Variants in ANKRD36C observed in about 807,000 individuals in gnomAD.
The protein encoded by ANKRD36C is ankyrin repeat domain 36C, also known as ankyrin repeat domain-containing protein 36C.
Under a neutral mutation model 276.4 loss-of-function variants are expected in ANKRD36C, and 61 were observed. The ratio of observed to expected loss-of-function variants is 0.22; its 90% confidence interval spans 0.18 to 0.27. ANKRD36C has a LOEUF of 0.27. ANKRD36C is among the 10% of genes least tolerant of loss of function. The pLI is 1.00. For synonymous variants in ANKRD36C, 483 were observed against 680.1 expected, an observed-to-expected ratio of 0.71 and a Z score of 4.51; for missense variants, 1,447 against 2,032.3, an observed-to-expected ratio of 0.71 and a Z score of 5.54.
intron 14 of ANKRD36C, 150 bp downstream of exon 14, chr2:95,953,789 C>T (rs1678259110): frequency 9.9e-6 from 6 of 603,288 alleles, no homozygotes; most frequent in African/African-American, 3.9e-5. Flanking sequence ...AAATTAACCC[C>T]TCTCATTTCT....
At chr2:95,860,119 A>C in intron 60 of ANKRD36C, 45 bp from the exon 81 acceptor site, 1 of 1,235,544 alleles carries the variant, frequency 8.1e-7, no homozygotes, top group Middle Eastern at 2.6e-4. Context: ...ACATGAGTAG[A>C]TTTTTGGATA....
chr2:95,914,341 A>G, intron 38 of ANKRD36C, 38 bp from the exon 41 acceptor site: 2 of 1,542,390 alleles, frequency 1.3e-6, no homozygotes, highest in South Asian at 1.2e-5. Flanking sequence ...CTCATATGTA[A>G]AAATGACAAA....
intron 48 of ANKRD36C, among the ~76,000 whole-genome samples, chr2:95,889,319 C>T (rs1676276441): frequency 6.6e-6 from 1 of 151,562 alleles, no homozygotes; most frequent in African/African-American, 2.4e-5. Flanking sequence ...CTTCTTCTCC[C>T]TCCTTCCTGA....
chr2:95,946,764 T>C (rs1678062893), intron 17 of ANKRD36C, among the ~76,000 whole-genome samples: 1 of 152,084 alleles, frequency 6.6e-6, no homozygotes, highest in Non-Finnish European at 1.5e-5. Context: ...TGTAGGGACA[T>C]GGGTGAAATT....
intron 58 of ANKRD36C, among the ~76,000 whole-genome samples, chr2:95,879,518 T>C (rs997292901): frequency 4.6e-5 from 7 of 151,736 alleles, no homozygotes; most frequent in African/African-American, 1.7e-4. Context: ...ATGGTGTCAT[T>C]ATTACACATT....
intron 44 of ANKRD36C, among the ~76,000 whole-genome samples, chr2:95,894,885 C>T (rs1353214085): frequency 3.3e-5 from 5 of 150,998 alleles, no homozygotes; most frequent in Non-Finnish European, 7.4e-5. Flanking sequence ...GTTTCCTCAG[C>T]AGTAACCCCA....
chr2:95,856,333 C>G (rs921024916), intron 62 of ANKRD36C, among the ~76,000 whole-genome samples, 153 bp from the exon 83 acceptor site: 4 of 152,108 alleles, frequency 2.6e-5, no homozygotes, highest in Admixed American at 6.6e-5. Context: ...GTCAAAACCT[C>G]AAACCTCATA....
At chr2:95,888,676 T>G (rs1384151269) in intron 48 of ANKRD36C, among the ~76,000 whole-genome samples, 3 of 151,844 alleles carry the variant, frequency 2.0e-5, no homozygotes, top group East Asian at 1.9e-4. Flanking sequence ...ACCTAGTAGA[T>G]AATATTCATT....
rs1168612839 is a variant in ANKRD36C at position 95,856,198 on chromosome 2, A to C, written c.4081-18T>G. 5.7e-6 allele frequency: 9 copies of C among 1,568,248 alleles called. No individual in the cohort carries two copies. Among genetic ancestry groups the C allele is most frequent in the Non-Finnish European group, 1.7e-6 (2 of 1,161,224 alleles). On this transcript the variant is annotated intron_variant, in intron 62 of 66. Transcript: ENST00000456556. ...TCAGAAACCTAAGTAAAACAAAGCAAACTTGTAACTAGTATCCAATAGGAT... is the reference window on the plus strand; with the variant it reads ...TCAGAAACCTAAGTAAAACAAAGCACACTTGTAACTAGTATCCAATAGGAT...
At chr2:95,914,025 G>C (rs1476148406) in intron 40 of ANKRD36C, 83 bp downstream of exon 42, 2 of 1,357,034 alleles carry the variant, frequency 1.5e-6, no homozygotes, top group Non-Finnish European at 1.0e-6. Context: ...CAGCTTCAAC[G>C]AGCCCCCCGC....
intron 62 of ANKRD36C, among the ~76,000 whole-genome samples, chr2:95,856,551 C>G (rs2104250637): frequency 6.6e-6 from 1 of 152,196 alleles, no homozygotes; most frequent in Non-Finnish European, 1.5e-5. Context: ...ATACCTCTCC[C>G]TATAGTGAGA....
intron 6 of ANKRD36C, among the ~76,000 whole-genome samples, chr2:95,971,066 C>A (rs1238249212): frequency 6.6e-6 from 1 of 152,054 alleles, no homozygotes; most frequent in East Asian, 1.9e-4. Flanking sequence ...ATTCAACTGT[C>A]TTGGAAATTA....
intron 34 of ANKRD36C, among the ~76,000 whole-genome samples, chr2:95,920,989 C>G (rs1471024771): frequency 2.0e-5 from 3 of 150,334 alleles, no homozygotes; most frequent in African/African-American, 5.0e-5. Flanking sequence ...TTGTTTCCTG[C>G]TTCCAGTAGT....
chr2:95,955,890 G>T (rs1444526510), intron 13 of ANKRD36C, among the ~76,000 whole-genome samples: 5 of 151,906 alleles, frequency 3.3e-5, no homozygotes, highest in African/African-American at 1.2e-4. Context: ...ACCTCTGATT[G>T]TGTCTGTAGG....
chr2:95,982,046 T>C (rs1185306654), intron 4 of ANKRD36C, among the ~76,000 whole-genome samples: 1 of 152,192 alleles, frequency 6.6e-6, no homozygotes, highest in Non-Finnish European at 1.5e-5. Context: ...TATAGAGAGA[T>C]GAATCCTGCT....
chr2:95,909,999 T>G (rs138820336), intron 42 of ANKRD36C, among the ~76,000 whole-genome samples: 1 of 151,470 alleles, frequency 6.6e-6, no homozygotes, highest in African/African-American at 2.4e-5. Flanking sequence ...CAACAAGTTT[T>G]CTGTCTGTTC....
intron 6 of ANKRD36C, among the ~76,000 whole-genome samples, chr2:95,963,905 CT>C (rs1048174803): frequency 2.6e-5 from 3 of 117,628 alleles, no homozygotes; most frequent in Non-Finnish European, 5.1e-5. Context: ...CAAGAGACTT[CT>C]TTTCTTATTA....
rs545520851 is a variant in ANKRD36C at position 95,959,733 on chromosome 2, T to C, written c.1003+740A>G. On this transcript the variant is annotated intron_variant, in intron 10 of 66. Transcript: ENST00000456556. Reference sequence around the variant, plus strand: ...TTAGCTCTCTGAACAACAAAGCCAATGTATGCATATTTACATTTATCTCAT... The same window carrying C: ...TTAGCTCTCTGAACAACAAAGCCAACGTATGCATATTTACATTTATCTCAT... Among the ~76,000 whole-genome samples, 3 of 152,358 alleles carry C rather than the reference T, an allele frequency of 2.0e-5. No individual in the cohort carries two copies. The East Asian group carries it at 5.8e-4, about 29-fold the overall frequency.
At chr2:95,978,822 G>T (rs1232492036) in intron 5 of ANKRD36C, among the ~76,000 whole-genome samples, 2 of 151,962 alleles carry the variant, frequency 1.3e-5, no homozygotes, top group Non-Finnish European at 2.9e-5. Context: ...ATTAATTTAT[G>T]AATACATTAT....
Sources: allele counts gnomAD v4.1 joint callset (sites outside exome capture counted in the v4.1 genomes callset), GRCh38; gene constraint gnomAD v4.1.1; transcripts MANE v1.5; gene names NCBI Gene and HGNC (gene_info 2026-07-23, HGNC 2026-07-21).